CDH20: variants seen among roughly 807,000 people sequenced by gnomAD.
CDH20 encodes cadherin-20.
CDH20 carries 29 observed loss-of-function variants against 74.2 expected under a neutral mutation model. The observed-to-expected ratio is 0.39, with a 90% CI of 0.29 to 0.53. The LOEUF (loss-of-function observed/expected upper bound fraction) is 0.53, where lower values mean the gene tolerates loss of function less well. Among genes scored for constraint, CDH20 ranks in the 20% least tolerant of loss-of-function variants. CDH20 has a pLI of 0.69. For synonymous variants in CDH20, 469 were observed against 405.4 expected, an observed-to-expected ratio of 1.16 and a Z score of -1.88; for missense variants, 988 against 1,048.3, an observed-to-expected ratio of 0.94 and a Z score of 0.79.
intron 1 of CDH20, among the ~76,000 whole-genome samples, chr18:61,384,167 T>C (rs535640074): frequency 6.6e-6 from 1 of 152,332 alleles, no homozygotes; most frequent in East Asian, 1.9e-4. Context: ...ACCAGGTATC[T>C]TCACATTAGA....
intron 6 of CDH20, among the ~76,000 whole-genome samples, chr18:61,522,216 CA>C (rs1912235396): frequency 1.3e-5 from 2 of 152,184 alleles, no homozygotes; most frequent in Admixed American, 6.5e-5. Context: ...GCAACTATAG[CA>C]AAGTCTCAGG....
Position 61,507,242 on chromosome 18 carries a change from T to C in CDH20, c.830-131T>C, listed in dbSNP as rs185690970. On this transcript the variant is annotated intron_variant, in intron 5 of 11. Transcript: ENST00000262717. ...CTTTCTGGACCTTAGTTTTTATCTG[T>C]AAAAACTCAAGTTTTACTTTTTGAA... The C allele has an allele frequency of 7.2e-5, 59 of 823,530 alleles. No homozygotes were observed. In the African/African-American group the frequency reaches 8.3e-4, roughly 12 times the overall value. The allele number at this position is 823,530 out of a possible 1,614,324, so 51.0% of individuals were successfully genotyped here.
intron 1 of CDH20, among the ~76,000 whole-genome samples, chr18:61,350,335 T>C (rs962378240): frequency 3.9e-5 from 6 of 152,186 alleles, no homozygotes; most frequent in Non-Finnish European, 7.3e-5. Context: ...ATTCTCTTCC[T>C]TTTTTCAGGA....
chr18:61,404,610 G>A (rs200152222), intron 1 of CDH20, among the ~76,000 whole-genome samples: 1 of 151,550 alleles, frequency 6.6e-6, no homozygotes, highest in East Asian at 1.9e-4. Flanking sequence ...ATAATCCACG[G>A]GTAAAATAAG....
At chr18:61,530,747 G>A (rs1338331942) in intron 7 of CDH20, among the ~76,000 whole-genome samples, 1 of 152,152 alleles carries the variant, frequency 6.6e-6, no homozygotes. Flanking sequence ...CTTTTTGGCA[G>A]GCAGGATACT....
chr18:61,491,252 CAGA>C (rs2144298242), intron 2 of CDH20, among the ~76,000 whole-genome samples: 1 of 134,186 alleles, frequency 7.5e-6, no homozygotes, highest in South Asian at 2.4e-4. Flanking sequence ...TTTTTCATTT[CAGA>C]AGATCTTAGC....
chr18:61,547,980 A>C (rs557234951), intron 10 of CDH20, among the ~76,000 whole-genome samples: 2 of 152,354 alleles, frequency 1.3e-5, no homozygotes, highest in Non-Finnish European at 2.9e-5. Context: ...ACTTTCTAAA[A>C]GTCTCATGAC....
Position 61,365,062 on chromosome 18 carries a change from C to T in CDH20, c.-153+31235C>T, listed in dbSNP as rs1249372264. ...ACTTCCAAGGCATTTAACTCACTATCTAGAAATTACTTATTTTCACATCTG... is the reference window on the plus strand; with the variant it reads ...ACTTCCAAGGCATTTAACTCACTATTTAGAAATTACTTATTTTCACATCTG... On this transcript the variant is annotated intron_variant, in intron 1 of 11. Coordinates refer to ENST00000262717, the MANE Select transcript of CDH20 (RefSeq NM_031891.4). 4.6e-5 allele frequency among the ~76,000 whole-genome samples: 7 copies of T among 152,290 alleles called. No individual in the cohort carries two copies. The East Asian group carries it at 7.7e-4, about 17-fold the overall frequency.
At chr18:61,428,442 G>A (rs966627402) in intron 1 of CDH20, among the ~76,000 whole-genome samples, 4 of 152,136 alleles carry the variant, frequency 2.6e-5, no homozygotes, top group Admixed American at 1.3e-4. Flanking sequence ...TCATTGTGTT[G>A]ACGGCTCCTG....
intron 1 of CDH20, among the ~76,000 whole-genome samples, chr18:61,452,179 T>C (rs1167759330): frequency 6.6e-6 from 1 of 152,208 alleles, no homozygotes; most frequent in Non-Finnish European, 1.5e-5. Context: ...ACTCTTATCA[T>C]TGTCTTCATC....
intron 6 of CDH20, among the ~76,000 whole-genome samples, chr18:61,508,318 C>T (rs1171882772): frequency 6.6e-6 from 1 of 152,136 alleles, no homozygotes; most frequent in African/African-American, 2.4e-5. Context: ...CAACCAAAAA[C>T]CTCTGCCCTC....
At position 61,507,358 on chromosome 18, in the gene CDH20, G is replaced by A; in HGVS notation, c.830-15G>A. On this transcript the variant is annotated splice_polypyrimidine_tract_variant and intron_variant, in intron 5 of 11. Transcript: ENST00000262717. ...ACGGATTATCAAGAATGCGTGTCCT[G>A]GCTTTTCTTCGTAGAACATTACCAG... 6.2e-7 allele frequency: 1 copy of A among 1,608,222 alleles called. No homozygotes were observed. The highest frequency in any genetic ancestry group is 8.5e-7 in the Non-Finnish European group (1 of 1,177,478).
At chr18:61,354,004 C>T (rs746726512) in intron 1 of CDH20, among the ~76,000 whole-genome samples, 7 of 149,920 alleles carry the variant, frequency 4.7e-5, no homozygotes, top group Admixed American at 6.7e-5. Context: ...CAAGATTGGG[C>T]CACACACTCA....
At chr18:61,481,063 G>A (rs886999405) in intron 1 of CDH20, among the ~76,000 whole-genome samples, 8 of 152,124 alleles carry the variant, frequency 5.3e-5, no homozygotes, top group South Asian at 2.1e-4. Flanking sequence ...CTTTTCTACC[G>A]TTTAAAAATA....
intron 1 of CDH20, among the ~76,000 whole-genome samples, chr18:61,412,173 A>G (rs935682493): frequency 2.0e-5 from 3 of 152,136 alleles, no homozygotes; most frequent in Non-Finnish European, 2.9e-5. Context: ...TTAAAAAGAT[A>G]TAATTTAATA....
chr18:61,548,959 C>T (rs1310636062), intron 10 of CDH20, among the ~76,000 whole-genome samples: 1 of 152,158 alleles, frequency 6.6e-6, no homozygotes, highest in Non-Finnish European at 1.5e-5. Context: ...GTTAGGCTCT[C>T]AAAATTTTTT....
At chr18:61,500,540 C>G (rs1224137972) in intron 4 of CDH20, 38 bp downstream of exon 4, 2 of 1,580,938 alleles carry the variant, frequency 1.3e-6, no homozygotes, top group East Asian at 4.5e-5. Flanking sequence ...GTGTTTATTC[C>G]CTGATAATTT....
At position 61,482,444 on chromosome 18, in the gene CDH20, C is replaced by T. The variant is rs375449006; in HGVS notation, c.-152-7958C>T. Among the ~76,000 whole-genome samples, 27 of 152,246 alleles carry T rather than the reference C, an allele frequency of 1.8e-4. 1 individual carries two copies. Among genetic ancestry groups the T allele is most frequent in the East Asian group, 1.4e-3 (7 of 5,172 alleles). On this transcript the variant is annotated intron_variant, in intron 1 of 11. Coordinates refer to ENST00000262717, the MANE Select transcript of CDH20 (RefSeq NM_031891.4). Reference sequence around the variant, plus strand: ...GACTCTGCCTCCTTGATGTTTCAGACGTCTGGCCAATCCTTCCCTCCCCTG... The same window carrying T: ...GACTCTGCCTCCTTGATGTTTCAGATGTCTGGCCAATCCTTCCCTCCCCTG...
At chr18:61,451,635 AAT>A (rs1445032774) in intron 1 of CDH20, among the ~76,000 whole-genome samples, 1 of 152,164 alleles carries the variant, frequency 6.6e-6, no homozygotes, top group Non-Finnish European at 1.5e-5. Context: ...ATAGTTTAAC[AAT>A]AAGCCACATA....
Sources: gnomAD v4.1 joint callset for allele counts (sites outside exome capture counted in the v4.1 genomes callset) on GRCh38, gnomAD v4.1.1 for gene constraint, MANE v1.5 for transcripts, NCBI Gene and HGNC (gene_info 2026-07-23, HGNC 2026-07-21) for gene names.